Variants in BTD observed in about 807,000 individuals in gnomAD.
BTD encodes the protein biocytinase.
A neutral mutation model predicts 17.7 loss-of-function variants in BTD; 13 were observed. The observed-to-expected ratio is 0.74, with a 90% CI of 0.48 to 1.17. The LOEUF (loss-of-function observed/expected upper bound fraction) is 1.17, where lower values mean the gene tolerates loss of function less well. Among genes scored for constraint, BTD ranks in the 50% most tolerant of loss-of-function variants. The pLI is 0.00. For synonymous variants in BTD, 240 were observed against 245.2 expected, an observed-to-expected ratio of 0.98 and a Z score of 0.20; for missense variants, 674 against 650.4, an observed-to-expected ratio of 1.04 and a Z score of -0.39.
At chr3:15,710,720 G>A (rs1419348592) in exon 4 of BTD, among the ~76,000 whole-genome samples, 5 of 152,104 alleles carry the variant, frequency 3.3e-5, no homozygotes, top group Non-Finnish European at 7.4e-5. Context: ...TGAACCAACT[G>A]CCTAATTTTT....
intron 3 of BTD, among the ~76,000 whole-genome samples, chr3:15,696,402 C>G (rs1382813384): frequency 6.6e-6 from 1 of 152,070 alleles, no homozygotes; most frequent in East Asian, 1.9e-4. Flanking sequence ...TTAAATGACA[C>G]TGACTAAAGT....
intron 3 of BTD, among the ~76,000 whole-genome samples, chr3:15,708,682 AT>A (rs572524424): frequency 1.3e-5 from 2 of 152,112 alleles, no homozygotes; most frequent in Non-Finnish European, 2.9e-5. Context: ...AGCCAAAGTG[AT>A]TTTTTTATTT....
At chr3:15,682,020 C>T (rs536545984) in intron 3 of BTD, among the ~76,000 whole-genome samples, 1 of 152,118 alleles carries the variant, frequency 6.6e-6, no homozygotes, top group East Asian at 1.9e-4. Flanking sequence ...GACTTAAGAG[C>T]CCCTCATTCT....
chr3:15,673,649 G>C (rs2470536), intron 3 of BTD, among the ~76,000 whole-genome samples: 70,854 of 152,100 alleles, frequency 0.47, 19,383 homozygotes, highest in Non-Finnish European at 0.6. Flanking sequence ...AGAATAGTTA[G>C]AATATGCTTC....
At chr3:15,679,135 C>T (rs2067259528) in intron 3 of BTD, among the ~76,000 whole-genome samples, 1 of 143,982 alleles carries the variant, frequency 6.9e-6, no homozygotes, top group Non-Finnish European at 1.5e-5. Context: ...TCATCATGCA[C>T]TTTTTTTTTT....
chr3:15,718,080 C>T (rs754724098), intron 4 of BTD, among the ~76,000 whole-genome samples: 2 of 151,972 alleles, frequency 1.3e-5, no homozygotes, highest in African/African-American at 2.4e-5. Context: ...TTAATAACAC[C>T]GATTTTACAA....
intron 3 of BTD, among the ~76,000 whole-genome samples, chr3:15,673,257 C>T (rs1167449437): frequency 2.0e-5 from 3 of 152,230 alleles, no homozygotes; most frequent in Non-Finnish European, 4.4e-5. Flanking sequence ...TCCAATTAAA[C>T]TATTTTAAGT....
At chr3:15,708,107 C>T in intron 3 of BTD, 1 of 1,559,566 alleles carries the variant, frequency 6.4e-7, no homozygotes, top group South Asian at 1.2e-5. Flanking sequence ...AAGCCAGAGA[C>T]ATAACTAGTA....
intron 3 of BTD, among the ~76,000 whole-genome samples, chr3:15,688,239 T>C (rs1369497741): frequency 1.3e-5 from 2 of 152,226 alleles, no homozygotes; most frequent in Non-Finnish European, 2.9e-5. Context: ...TATAGATTAA[T>C]ATTTTTAAAA....
intron 3 of BTD, among the ~76,000 whole-genome samples, chr3:15,688,971 GAAATA>G (rs1334494030): frequency 6.6e-6 from 1 of 152,316 alleles, no homozygotes; most frequent in South Asian, 2.1e-4. Flanking sequence ...CTACCAGAAA[GAAATA>G]AATACTGCAT....
rs2065787018 is a variant in BTD, at chr3:15,650,618, G to A, written c.*5130G>A. On this transcript the variant is annotated 3_prime_UTR_variant, in exon 4 of 4. Transcript: ENST00000643237. ...CTCGTGTAGTTGCAACAATGGCCAT[G>A]ACTTCTAGGCTTCATCTGCCCCTCT... Among the ~76,000 whole-genome samples the A allele has an allele frequency of 6.6e-6, 1 of 152,006 alleles. No homozygotes were observed.
rs1205964567 is a variant in BTD, at chr3:15,635,571, G to GCATC, written c.142_145dup (p.Leu49HisfsTer24). ...AATATTATGTGGCTGCCGTGTATGA[G>GCATC]CATCCATCCATCCTGAGTCTGAACC... On this transcript the variant is annotated frameshift_variant, in exon 2 of 4. Transcript: ENST00000643237. LOFTEE classifies it high-confidence loss of function. The surrounding 1 kb of genome is among the most constrained non-coding windows in gnomAD (Gnocchi z 4.1). 5.6e-6 allele frequency: 9 copies of GCATC among 1,614,192 alleles called. No homozygotes were observed. The highest frequency in any genetic ancestry group is 7.6e-6 in the Non-Finnish European group (9 of 1,180,040).
rs1356585269 is a variant in BTD at position 15,648,950 on chromosome 3, GAGGCAAGAAACAAC to G, written c.*3463_*3476del. ...TGCCAACAAACACCAGAAATTAGAA[GAGGCAAGAAACAAC>G]TCCCCACACACAACCCACCCCTGCA... On this transcript the variant is annotated 3_prime_UTR_variant, in exon 4 of 4. Coordinates refer to ENST00000643237, the MANE Select transcript of BTD (RefSeq NM_001370658.1). Among the ~76,000 whole-genome samples the G allele has an allele frequency of 1.3e-5, 2 of 152,150 alleles. No homozygotes were observed. Among genetic ancestry groups the G allele is most frequent in the African/African-American group, 4.8e-5 (2 of 41,422 alleles).
intron 1 of BTD, among the ~76,000 whole-genome samples, chr3:15,618,600 A>G (rs755917488): frequency 1.5e-4 from 23 of 152,002 alleles, no homozygotes; most frequent in Non-Finnish European, 3.1e-4. Context: ...ATCTCGGCTC[A>G]CTGCAAGCTC....
At chr3:15,711,650 G>C (rs1373321786) in exon 4 of BTD, among the ~76,000 whole-genome samples, 1 of 151,942 alleles carries the variant, frequency 6.6e-6, no homozygotes, top group African/African-American at 2.4e-5. Flanking sequence ...GAGATTAACT[G>C]CTAATGGTCT....
At chr3:15,606,022 G>GTAGACAGGCTC (rs201834805) in intron 1 of BTD, among the ~76,000 whole-genome samples, 2 of 68,948 alleles carry the variant, frequency 2.9e-5, no homozygotes, top group East Asian at 4.1e-4. Context: ...TAGCCTGGGT[G>GTAGACAGGCTC]ACAGAGCGAG....
At chr3:15,721,267 T>C (rs2073696236) in intron 4 of BTD, 1 of 715,606 alleles carries the variant, frequency 1.4e-6, no homozygotes. Context: ...ATAAGGCTTA[T>C]AATTCTAAAG....
At chr3:15,627,376 C>T (rs541543400) in intron 1 of BTD, among the ~76,000 whole-genome samples, 6 of 152,294 alleles carry the variant, frequency 3.9e-5, no homozygotes, top group South Asian at 2.1e-4. Context: ...GTGCATGCCA[C>T]CATGCCCAGC....
chr3:15,711,987 C>T (rs948350871), exon 4 of BTD, among the ~76,000 whole-genome samples: 7 of 151,982 alleles, frequency 4.6e-5, no homozygotes, highest in South Asian at 2.1e-4. Flanking sequence ...TGAGCCACCA[C>T]GCCAGACCTG....
Sources: gnomAD v4.1 joint callset for allele counts (sites outside exome capture counted in the v4.1 genomes callset) on GRCh38, gnomAD v4.1.1 for gene constraint, Gnocchi (gnomAD v3.1) non-coding constraint, MANE v1.5 for transcripts, NCBI Gene and HGNC (gene_info 2026-07-23, HGNC 2026-07-21) for gene names.